Variants in HTT observed in about 807,000 individuals in gnomAD.
HTT encodes huntington disease protein.
In HTT, 104 loss-of-function variants were observed where a neutral mutation model predicts 362.3. The observed-to-expected ratio is 0.29, with a 90% CI of 0.24 to 0.34. The LOEUF is 0.34. HTT is among the 10% of genes least tolerant of loss of function. The probability of loss-of-function intolerance (pLI) is 1.00; values close to 1 mark genes in which losing one functional copy is unlikely to be tolerated. For missense variants in HTT, 3,301 were observed against 3,928.6 expected (o/e 0.84, Z 4.27); for synonymous variants, 1,577 against 1,548.7 (o/e 1.02, Z -0.43).
intron 3 of HTT, among the ~76,000 whole-genome samples, chr4:3,103,059 G>A (rs1273126723): frequency 1.3e-5 from 2 of 151,920 alleles, no homozygotes; most frequent in East Asian, 3.9e-4. Flanking sequence ...CCAGAGCGAG[G>A]GTCTGTGGTT....
intron 8 of HTT, 57 bp downstream of exon 8, chr4:3,116,320 C>A: frequency 6.9e-7 from 1 of 1,444,586 alleles, no homozygotes. Flanking sequence ...ATTCAAAGAA[C>A]CGATTAATTT....
In HTT at chr4:3,214,063, G is replaced by A. The variant is rs750914925; in HGVS notation, c.6880G>A (p.Val2294Met). Residue 2294 changes from valine (V) to methionine (M), a missense_variant, in exon 50 of 67, where the codon GTG (valine) becomes ATG (methionine). Val to Met is a conservative substitution (Grantham distance 21). Around this residue, in one of 4 missense-constraint regions of HTT, gnomAD observed 220 missense variants for 218.5 expected, o/e 1.01. Transcript: ENST00000355072. ...CCTGCAGCTGCCTGGCCTCTGGAGC[G>A]TGGTCTCCTCCACAGAGTTTGTGAC... ...LALQLPGLWS[V>M]VSSTEFVTHA... The A allele has an allele frequency of 8.1e-6, 13 of 1,608,818 alleles. No homozygotes were observed. Among genetic ancestry groups the A allele is most frequent in the East Asian group, 4.5e-5 (2 of 44,434 alleles).
intron 51 of HTT, among the ~76,000 whole-genome samples, chr4:3,216,701 G>A (rs1348513860): frequency 1.3e-5 from 2 of 151,976 alleles, no homozygotes; most frequent in African/African-American, 4.8e-5. Context: ...TAATCACCTC[G>A]ATAGGACGTT....
In HTT at chr4:3,223,419, G is replaced by A; in HGVS notation, c.7484G>A (p.Arg2495Lys). 6.3e-7 allele frequency: 1 copy of A among 1,595,078 alleles called. No homozygotes were observed. Among genetic ancestry groups the A allele is most frequent in the Non-Finnish European group, 8.5e-7 (1 of 1,170,140 alleles). Reference protein sequence around the residue: ...EESPPEEDTERTQINVLAVQA... With the variant: ...EESPPEEDTEKTQINVLAVQA... The stretch of plus-strand genomic sequence containing the variant: ...CTCTCCTTCCAGGAAGACACAGAGA[G>A]GACCCAGATCAACGTCCTGGCCGTG... The change falls in exon 55 of 67, where the codon AGG becomes AAG. Residue 2495 changes from arginine (R) to lysine (K), a missense_variant. By Grantham distance (26) the Arg-to-Lys change is conservative. Around this residue, in one of 4 missense-constraint regions of HTT, gnomAD observed 753 missense variants for 1,021.3 expected, o/e 0.74. Coordinates refer to ENST00000355072, the MANE Select transcript of HTT (RefSeq NM_001388492.1).
intron 40 of HTT, among the ~76,000 whole-genome samples, chr4:3,199,060 G>T (rs1719402381): frequency 6.6e-6 from 1 of 152,224 alleles, no homozygotes; most frequent in Non-Finnish European, 1.5e-5. Flanking sequence ...CAGTCCTGTG[G>T]GGGCCCCGCT....
rs1259189584 is a variant in HTT at position 3,074,699 on chromosome 4, A to G, written c.-127A>G. On this transcript the variant is annotated 5_prime_UTR_variant, in exon 1 of 67. Coordinates refer to ENST00000355072, the MANE Select transcript of HTT (RefSeq NM_001388492.1). ...CGTGGGGGCTGCCGGGACGGGTCCA[A>G]GATGGACGGCCGCTCAGGTTCTGCT... The G allele has an allele frequency of 2.8e-5, 29 of 1,029,394 alleles. No homozygotes were observed. The highest frequency in any genetic ancestry group is 3.8e-5 in the Non-Finnish European group (29 of 756,170). 63.8% of individuals were successfully genotyped at this position (1,029,394 alleles called of 1,614,324 possible). A position where few individuals can be genotyped will look rare whatever the true frequency, so the allele number is the denominator to read the frequency against.
chr4:3,237,062 A>G (rs1467524581), intron 64 of HTT, among the ~76,000 whole-genome samples: 1 of 151,738 alleles, frequency 6.6e-6, no homozygotes, highest in Non-Finnish European at 1.5e-5. Context: ...GTCTGTTTTC[A>G]TGTTGATTTT....
chr4:3,102,094 G>C (rs1560547657), intron 3 of HTT, among the ~76,000 whole-genome samples: 1 of 152,200 alleles, frequency 6.6e-6, no homozygotes, highest in Non-Finnish European at 1.5e-5. Context: ...TATCATTTAG[G>C]AAGAGTGACC....
At chr4:3,215,052 T>C (rs1391366230) in intron 50 of HTT, 58 bp from the exon 51 acceptor site, 2 of 1,366,432 alleles carry the variant, frequency 1.5e-6, no homozygotes, top group African/African-American at 2.9e-5. Flanking sequence ...AAATGTTGAA[T>C]AAAAAGCACT....
At chr4:3,134,123 G>T (rs1715954956) in intron 18 of HTT, among the ~76,000 whole-genome samples, 1 of 152,222 alleles carries the variant, frequency 6.6e-6, no homozygotes, top group African/African-American at 2.4e-5. Context: ...CAATGTTTGT[G>T]AAGTTGCTGT....
intron 1 of HTT, among the ~76,000 whole-genome samples, chr4:3,084,693 A>G (rs1424139492): frequency 1.4e-5 from 2 of 146,054 alleles, no homozygotes; most frequent in Non-Finnish European, 3.0e-5. Flanking sequence ...CCATCTCCAA[A>G]AAAAAAAAAC....
intron 1 of HTT, among the ~76,000 whole-genome samples, chr4:3,086,237 C>T (rs527556361): frequency 3.3e-5 from 5 of 152,226 alleles, no homozygotes; most frequent in South Asian, 2.1e-4. Context: ...ATGATTCAAA[C>T]GTGAAATTGA....
chr4:3,107,411 C>A lies in HTT; in HGVS notation c.735C>A (p.Asp245Glu). Reference protein sequence around the residue: ...IMASFGNFANDNEIKVLLKAF... With the variant: ...IMASFGNFANENEIKVLLKAF... ...CTTCTTTTGGCAATTTTGCAAATGA[C>A]AATGAAATTAAGGTATGATTGTTGC... Residue 245 changes from aspartate to glutamate, a missense_variant, in exon 6 of 67, where the codon GAC becomes GAA. By Grantham distance (45) the Asp-to-Glu change is conservative. Coordinates refer to ENST00000355072, the MANE Select transcript of HTT (RefSeq NM_001388492.1). 6.2e-7 allele frequency: 1 copy of A among 1,614,116 alleles called. No individual in the cohort carries two copies. The highest frequency in any genetic ancestry group is 2.2e-5 in the East Asian group (1 of 44,884).
rs553062528 is a variant in HTT, at chr4:3,192,599, G to A, written c.5368+3506G>A. On this transcript the variant is annotated intron_variant, in intron 40 of 66. Coordinates refer to ENST00000355072, the MANE Select transcript of HTT (RefSeq NM_001388492.1). ...TGATGAGGAGGTGGGGCTGGTCTCC[G>A]GGAGTAAGGGAGAGGAGCACATGCA... Among the ~76,000 whole-genome samples the A allele has an allele frequency of 5.9e-5, 9 of 152,314 alleles. 1 individual carries two copies. Among genetic ancestry groups the A allele is most frequent in the African/African-American group, 1.9e-4 (8 of 41,558 alleles).
At chr4:3,105,030 C>A (rs1714355101) in intron 4 of HTT, among the ~76,000 whole-genome samples, 1 of 152,234 alleles carries the variant, frequency 6.6e-6, no homozygotes, top group African/African-American at 2.4e-5. Context: ...GCAAACTTCA[C>A]TCTGTTAAGC....
intron 41 of HTT, among the ~76,000 whole-genome samples, chr4:3,201,899 A>C (rs919611735): frequency 1.3e-5 from 2 of 152,156 alleles, no homozygotes; most frequent in African/African-American, 4.8e-5. Flanking sequence ...CAGCCATAAA[A>C]TTGCTGTATC....
chr4:3,103,700 A>G, intron 3 of HTT, 124 bp from the exon 4 acceptor site: 2 of 659,478 alleles, frequency 3.0e-6, no homozygotes. Context: ...TAATGAATAT[A>G]TTCTTAATTT....
intron 23 of HTT, among the ~76,000 whole-genome samples, chr4:3,143,446 A>C (rs1336446718): frequency 6.6e-6 from 1 of 150,982 alleles, no homozygotes; most frequent in Non-Finnish European, 1.5e-5. Context: ...CAAAAAAAAA[A>C]AAAAAAAAAG....
rs1553909061 is a variant in HTT at position 3,074,945 on chromosome 4, A to ACCGCCACCGCCGCCG, written c.125_126insACCGCCGCCGCCGCC (p.Pro45_Pro49dup). On this transcript the variant is annotated inframe_insertion, in exon 1 of 67. Coordinates refer to ENST00000355072, the MANE Select transcript of HTT (RefSeq NM_001388492.1). ...AGCAGCAGCAGCAGCAACAGCCGCC[A>ACCGCCACCGCCGCCG]CCGCCGCCGCCGCCGCCGCCGCCTC... is the stretch of plus-strand genomic sequence containing the variant. The ACCGCCACCGCCGCCG allele has an allele frequency of 6.6e-6, 8 of 1,214,984 alleles. No individual in the cohort carries two copies. Among genetic ancestry groups the ACCGCCACCGCCGCCG allele is most frequent in the Non-Finnish European group, 8.9e-6 (8 of 901,288 alleles). 75.3% of individuals were successfully genotyped at this position (1,214,984 alleles called of 1,614,324 possible).
Sources: allele counts gnomAD v4.1 joint callset (sites outside exome capture counted in the v4.1 genomes callset), GRCh38; gene constraint gnomAD v4.1.1; regional missense constraint gnomAD v4.1.1; transcripts MANE v1.5; gene names NCBI Gene and HGNC (gene_info 2026-07-23, HGNC 2026-07-21).